Variants in AKR1C4 observed in about 807,000 individuals in gnomAD.
The protein encoded by AKR1C4 is 3-alpha-HSD1.
AKR1C4 carries 44 observed loss-of-function variants against 41.0 expected under a neutral mutation model. The ratio of observed to expected loss-of-function variants is 1.07; its 90% CI spans 0.84 to 1.38. AKR1C4 has a LOEUF of 1.38. Among genes scored for constraint, AKR1C4 ranks in the 40% most tolerant of loss-of-function variants. The pLI, the probability that AKR1C4 is intolerant of heterozygous loss-of-function variation, is 0.00. For missense variants in AKR1C4, 438 were observed against 387.9 expected (o/e 1.13, Z -1.09); for synonymous variants, 165 against 137.7 (o/e 1.20, Z -1.39).
intron 5 of AKR1C4, among the ~76,000 whole-genome samples, chr10:5,207,992 C>T (rs1018778616): frequency 6.6e-6 from 1 of 151,588 alleles, no homozygotes; most frequent in Non-Finnish European, 1.5e-5. Flanking sequence ...GGAAGTCAAG[C>T]AAGTATAGTA....
chr10:5,202,673 G>T (rs1832418427), intron 2 of AKR1C4, among the ~76,000 whole-genome samples: 1 of 152,000 alleles, frequency 6.6e-6, no homozygotes, highest in African/African-American at 2.4e-5. Flanking sequence ...CTAGTTTGTT[G>T]AGGGTTTTTA....
chr10:5,200,852 G>A (rs148021363), intron 2 of AKR1C4, among the ~76,000 whole-genome samples: 129 of 152,228 alleles, frequency 8.5e-4, no homozygotes, highest in African/African-American at 3.0e-3. Flanking sequence ...AAGTGAGAAT[G>A]TACAGTGTTT....
chr10:5,201,705 G>A (rs1353760082), intron 2 of AKR1C4, among the ~76,000 whole-genome samples: 2 of 152,108 alleles, frequency 1.3e-5, no homozygotes, highest in Non-Finnish European at 2.9e-5. Flanking sequence ...GTTAAGAAGA[G>A]TTTTCCAATG....
At chr10:5,203,719 C>T (rs1448966887) in intron 2 of AKR1C4, among the ~76,000 whole-genome samples, 1 of 152,182 alleles carries the variant, frequency 6.6e-6, no homozygotes, top group East Asian at 1.9e-4. Context: ...GCTATTCTGT[C>T]TTTCCAAGTG....
At chr10:5,206,519 C>T (rs1554797507) in intron 5 of AKR1C4, 122 bp downstream of exon 5, 3 of 1,533,404 alleles carry the variant, frequency 2.0e-6, no homozygotes, top group African/African-American at 2.8e-5. Flanking sequence ...GAAAGCAAAA[C>T]ATCTGTCTAG....
intron 3 of AKR1C4, among the ~76,000 whole-genome samples, chr10:5,204,996 G>A (rs1257981584): frequency 6.6e-6 from 1 of 151,514 alleles, no homozygotes; most frequent in East Asian, 1.9e-4. Flanking sequence ...GGAGTTTGTA[G>A]CTTTGCCTAG....
intron 5 of AKR1C4, among the ~76,000 whole-genome samples, chr10:5,209,852 C>T (rs7909380): frequency 0.12 from 17,125 of 139,396 alleles, 1,164 homozygotes; most frequent in Admixed American, 0.18. Flanking sequence ...GACACATAGC[C>T]AAACCATATC....
intron 7 of AKR1C4, among the ~76,000 whole-genome samples, chr10:5,214,912 A>C (rs1406177771): frequency 1.3e-5 from 2 of 152,178 alleles, no homozygotes; most frequent in African/African-American, 4.8e-5. Context: ...CCTCTTCAAG[A>C]AACTATTTGT....
rs553015912 is a variant in AKR1C4 at position 5,216,871 on chromosome 10, A to G, written c.929+78A>G. 8 of 999,636 alleles carry G rather than the reference A, an allele frequency of 8.0e-6. No individual in the cohort carries two copies. The Admixed American group carries it at 8.5e-5, about 11-fold the overall frequency. The allele number at this position is 999,636 out of a possible 1,614,324, so 61.9% of individuals were successfully genotyped here. A position where few individuals can be genotyped will look rare whatever the true frequency, so the allele number is the denominator to read the frequency against. On this transcript the variant is annotated intron_variant, in intron 8 of 8. Coordinates refer to ENST00000263126, the MANE Select transcript of AKR1C4 (RefSeq NM_001818.5). ...CAGATGGGTGTTGAAAGTGACCTCA[A>G]TACCAGGGAGACAGAGGCCAGTGCA...
intron 5 of AKR1C4, among the ~76,000 whole-genome samples, chr10:5,210,285 C>T (rs1330487626): frequency 6.6e-6 from 1 of 152,246 alleles, no homozygotes; most frequent in South Asian, 2.1e-4. Flanking sequence ...GGCAGCTCCA[C>T]CACTGTGGCT....
intron 8 of AKR1C4, among the ~76,000 whole-genome samples, chr10:5,217,213 C>T (rs782288136): frequency 6.6e-6 from 1 of 152,232 alleles, no homozygotes; most frequent in African/African-American, 2.4e-5. Flanking sequence ...ACATTTCCAA[C>T]AACACTGGTG....
chr10:5,207,631 A>G (rs782526976), intron 5 of AKR1C4: 9 of 1,169,410 alleles, frequency 7.7e-6, no homozygotes, highest in East Asian at 4.8e-5. Flanking sequence ...AAGCTCATCA[A>G]CTCCTTGGCA....
chr10:5,204,895 T>A (rs1554797325), intron 3 of AKR1C4, among the ~76,000 whole-genome samples: 1 of 152,178 alleles, frequency 6.6e-6, no homozygotes, highest in Admixed American at 6.5e-5. Flanking sequence ...TGAAGTAGAT[T>A]TGGTGGAACT....
intron 5 of AKR1C4, among the ~76,000 whole-genome samples, chr10:5,209,958 A>G (rs1341534407): frequency 2.0e-5 from 3 of 152,206 alleles, no homozygotes; most frequent in East Asian, 1.9e-4. Context: ...TCATTTCAGC[A>G]TTAGATCAAA....
chr10:5,216,766 G>A lies in AKR1C4; in HGVS notation c.902G>A (p.Arg301Lys). The A allele has an allele frequency of 6.2e-7, 1 of 1,611,714 alleles. No homozygotes were observed. The highest frequency in any genetic ancestry group is 8.5e-7 in the Non-Finnish European group (1 of 1,178,596). Residue 301 changes from arginine to lysine, a missense_variant, in exon 8 of 9, where the codon AGA becomes AAA. Arg to Lys is a conservative substitution (Grantham distance 26). Transcript: ENST00000263126. Reference sequence around the variant, plus strand: ...ATGAAAGTTCTAGATGGTCTAAACAGAAATTATCGATATGTTGTCATGGAT... The same window carrying A: ...ATGAAAGTTCTAGATGGTCTAAACAAAAATTATCGATATGTTGTCATGGAT... ...EDMKVLDGLN[R>K]NYRYVVMDFL...
intron 8 of AKR1C4, 47 bp downstream of exon 8, chr10:5,216,840 G>A (rs1554798572): frequency 2.1e-6 from 3 of 1,406,880 alleles, no homozygotes; most frequent in Non-Finnish European, 3.0e-6. Context: ...TTTAGAGGAG[G>A]AATGTCAGAT....
At chr10:5,198,388 C>G (rs1554796543) in intron 1 of AKR1C4, among the ~76,000 whole-genome samples, 1 of 152,180 alleles carries the variant, frequency 6.6e-6, no homozygotes. Flanking sequence ...CCCTTCCTAA[C>G]TGATAAGGGT....
Position 5,218,781 on chromosome 10 carries a change from A to G in AKR1C4, c.*21A>G, listed in dbSNP as rs1832694399. 1 of 1,596,808 alleles carries G rather than the reference A, an allele frequency of 6.3e-7. No individual in the cohort carries two copies. On this transcript the variant is annotated 3_prime_UTR_variant, in exon 9 of 9. Transcript: ENST00000263126. The stretch of plus-strand genomic sequence containing the variant: ...ATTAGCATAGAGGGTGTTGCACGAC[A>G]TCTAGCAGAAGGCCCTGTGTGTGGA...
At chr10:5,215,028 G>A (rs933549339) in intron 7 of AKR1C4, among the ~76,000 whole-genome samples, 9 of 152,200 alleles carry the variant, frequency 5.9e-5, no homozygotes, top group Non-Finnish European at 8.8e-5. Context: ...TGGAAATACA[G>A]ATGAATAAAT....
Sources: allele counts gnomAD v4.1 joint callset (sites outside exome capture counted in the v4.1 genomes callset), GRCh38; gene constraint gnomAD v4.1.1; transcripts MANE v1.5; gene names NCBI Gene and HGNC (gene_info 2026-07-23, HGNC 2026-07-21).